Variants in DCP1B observed in about 807,000 individuals in gnomAD.
The protein encoded by DCP1B is decapping mRNA 1B.
A neutral mutation model predicts 60.5 loss-of-function variants in DCP1B; 47 were observed. The observed-to-expected ratio is 0.78, with a 90% CI of 0.61 to 0.99. The LOEUF (loss-of-function observed/expected upper bound fraction) is 0.99, where lower values mean the gene tolerates loss of function less well. Among genes scored for constraint, DCP1B ranks in the 50% least tolerant of loss-of-function variants. The pLI is 0.00. For synonymous variants in DCP1B, 267 were observed against 280.3 expected (o/e 0.95, Z 0.47); for missense variants, 725 against 756.8 (o/e 0.96, Z 0.49).
At chr12:1,992,769 A>G (rs1469722367) in intron 3 of DCP1B, 1 of 199,876 alleles carries the variant, frequency 5.0e-6, no homozygotes, top group African/African-American at 2.3e-5. Context: ...TGACTGAAAG[A>G]AACTTTTTGG....
Position 1,948,966 on chromosome 12 carries a change from A to G in DCP1B, c.1773+120T>C. The stretch of plus-strand genomic sequence containing the variant: ...GCCGCTGGGGTCAGGATGAGTTGTT[A>G]CACACACCTGTTATTCTCACGGAAG... On this transcript the variant is annotated intron_variant, in intron 8 of 8. Transcript: ENST00000280665. This position sits in a 1 kb window ranked among gnomAD's most constrained non-coding sequence, Gnocchi z 4.8. 7.5e-7 allele frequency: 1 copy of G among 1,340,862 alleles called. No homozygotes were observed. Among genetic ancestry groups the G allele is most frequent in the South Asian group, 1.4e-5 (1 of 70,906 alleles). 83.1% of individuals were successfully genotyped at this position (1,340,862 alleles called of 1,614,324 possible).
intron 3 of DCP1B, among the ~76,000 whole-genome samples, chr12:1,974,463 T>C (rs1228116763): frequency 1.3e-5 from 2 of 152,208 alleles, no homozygotes; most frequent in East Asian, 1.9e-4. Flanking sequence ...CAGCACTATG[T>C]AGACACTAAT....
chr12:1,952,855 G>A lies in DCP1B; in HGVS notation c.1085C>T (p.Thr362Ile). The change falls in exon 7 of 9, where the codon ACC (threonine) becomes ATC (isoleucine). Residue 362 changes from threonine to isoleucine, a missense_variant. Physicochemically the swap from Thr to Ile is moderately conservative, Grantham distance 89. Transcript: ENST00000280665. ...TQNLFEKLQS[T>I]PGAANKCDPS... ...GTCACACTTGTTTGCTGCCCCTGGG[G>A]TACTCTGAAGTTTCTCGAACAGGTT... is the stretch of plus-strand genomic sequence containing the variant. The A allele has an allele frequency of 1.2e-6, 2 of 1,614,166 alleles. No homozygotes were observed. The highest frequency in any genetic ancestry group is 1.7e-6 in the Non-Finnish European group (2 of 1,180,046).
chr12:2,001,780 T>C (rs1053648648), intron 1 of DCP1B, among the ~76,000 whole-genome samples: 9 of 152,208 alleles, frequency 5.9e-5, no homozygotes, highest in African/African-American at 1.7e-4. Flanking sequence ...AACACAACGT[T>C]AGTCACTTTA....
intron 7 of DCP1B, among the ~76,000 whole-genome samples, chr12:1,951,037 C>T (rs760480739): frequency 2.0e-5 from 3 of 152,038 alleles, no homozygotes; most frequent in Admixed American, 6.6e-5. Flanking sequence ...TCTGAGAGCC[C>T]GAGGTGGGTG....
rs192688147 is a variant in DCP1B, at chr12:1,978,223, C to T, written c.320-10313G>A. 3.5e-3 allele frequency among the ~76,000 whole-genome samples: 530 copies of T among 152,338 alleles called. 18 individuals are homozygous for T. The highest frequency in any genetic ancestry group is 0.031 in the Admixed American group (477 of 15,294). On this transcript the variant is annotated intron_variant, in intron 3 of 8. Coordinates refer to ENST00000280665, the MANE Select transcript of DCP1B (RefSeq NM_152640.5). ...CTGATCTGGAAACTAGAAATGCAGA[C>T]TCAACTATTTCTATTACCTCACATT...
At position 1,953,097 on chromosome 12, in the gene DCP1B, T is replaced by C; in HGVS notation, c.843A>G (p.Arg281=). ...GCTGCTTCTCAATGGGGGGTGAGTG[T>C]CTTCTGGGTTCCTCATAGGACAGGG... is the stretch of plus-strand genomic sequence containing the variant. ...VRSLSYEEPR[R]HSPPIEKQLC... The change falls in exon 7 of 9, where the codon AGA becomes AGG. Residue 281 remains arginine (R), a synonymous_variant. Transcript: ENST00000280665. The C allele has an allele frequency of 6.2e-7, 1 of 1,613,980 alleles. No individual in the cohort carries two copies.
At chr12:1,978,165 C>T (rs903143245) in intron 3 of DCP1B, among the ~76,000 whole-genome samples, 7 of 152,136 alleles carry the variant, frequency 4.6e-5, no homozygotes, top group Admixed American at 3.3e-4. Context: ...AAGCAGATGT[C>T]GCAACCCAGA....
Position 1,953,287 on chromosome 12 carries a change from G to T in DCP1B, c.653C>A (p.Thr218Asn). 6.4e-7 allele frequency: 1 copy of T among 1,564,336 alleles called. No homozygotes were observed. Among genetic ancestry groups the T allele is most frequent in the Non-Finnish European group, 8.6e-7 (1 of 1,162,408 alleles). ...QQQRIPQPNQ[T>N]LDPEPQHLSL... ...TAAGTGTTGGGGTTCAGGGTCTAAG[G>T]TCTGGAAAAAATAAAGATATCTGAC... The change falls in exon 7 of 9, where the codon ACC becomes AAC. Residue 218 changes from threonine to asparagine, a missense_variant and splice_region_variant. Physicochemically the swap from Thr to Asn is moderately conservative, Grantham distance 65. Transcript: ENST00000280665.
At chr12:1,973,914 T>G (rs2033401177) in intron 3 of DCP1B, among the ~76,000 whole-genome samples, 1 of 152,216 alleles carries the variant, frequency 6.6e-6, no homozygotes, top group Non-Finnish European at 1.5e-5. Flanking sequence ...TCCTTCTCTC[T>G]ACTCGTCCTT....
chr12:2,001,489 G>A (rs2042184721), intron 1 of DCP1B, among the ~76,000 whole-genome samples: 1 of 152,122 alleles, frequency 6.6e-6, no homozygotes, highest in African/African-American at 2.4e-5. Flanking sequence ...GTGCTGTTTT[G>A]CAAATTTTGG....
intron 6 of DCP1B, among the ~76,000 whole-genome samples, chr12:1,953,620 G>A (rs1333419649): frequency 6.6e-6 from 1 of 152,124 alleles, no homozygotes; most frequent in African/African-American, 2.4e-5. Context: ...TAAACAATCT[G>A]TTCAATAGGA....
In DCP1B at chr12:2,004,287, C is replaced by T; in HGVS notation, c.145G>A (p.Glu49Lys). 12 of 1,613,156 alleles carry T rather than the reference C, an allele frequency of 7.4e-6. No individual in the cohort carries two copies. Among genetic ancestry groups the T allele is most frequent in the Non-Finnish European group, 1.0e-5 (12 of 1,179,880 alleles). Residue 49 changes from glutamate (E) to lysine (K), a missense_variant, in exon 1 of 9, where the codon GAG becomes AAG. Glu to Lys is a moderately conservative substitution (Grantham distance 56, BLOSUM62 1). Transcript: ENST00000280665. ...TCCGCCGCGTCCGCACGCACCCACT[C>T]GTTGGCCCGATGGCCGAAGGTGTAC... ...ALYTFGHRAN[E>K]WEKTDVEGTL...
chr12:1,955,679 T>G, intron 5 of DCP1B, 119 bp from the exon 6 acceptor site: 1 of 1,176,030 alleles, frequency 8.5e-7, no homozygotes, highest in Non-Finnish European at 1.2e-6. Flanking sequence ...TAGATTTTCA[T>G]GCACAAAGGA....
At chr12:1,957,106 C>T (rs1016957945) in intron 5 of DCP1B, among the ~76,000 whole-genome samples, 4 of 152,204 alleles carry the variant, frequency 2.6e-5, no homozygotes, top group African/African-American at 9.6e-5. Flanking sequence ...AATCATCCAC[C>T]TCAGTAGTTT....
intron 3 of DCP1B, 113 bp downstream of exon 3, chr12:1,993,151 A>AC (rs768665990): frequency 3.5e-5 from 48 of 1,368,064 alleles, no homozygotes; most frequent in African/African-American, 2.1e-4. Flanking sequence ...AAATGCTGAC[A>AC]CCCCCCATAG....
intron 3 of DCP1B, among the ~76,000 whole-genome samples, chr12:1,981,852 A>C (rs2036232422): frequency 2.0e-5 from 3 of 152,172 alleles, no homozygotes; most frequent in African/African-American, 7.2e-5. Context: ...GGTCAGAATG[A>C]GGGAGAGAAT....
rs759013313 is a variant in DCP1B at position 1,952,700 on chromosome 12, G to A, written c.1240C>T (p.Pro414Ser). ...PQAYFNGSLP[P>S]QTVGHQAHGR... ...TGAGCCTGATGTCCTACTGTCTGAGGTGGAAGGGAGCCATTGAAATAGGCC... is the reference window on the plus strand; with the variant it reads ...TGAGCCTGATGTCCTACTGTCTGAGATGGAAGGGAGCCATTGAAATAGGCC... Residue 414 changes from proline to serine, a missense_variant, in exon 7 of 9, where the codon CCT becomes TCT. Physicochemically the swap from Pro to Ser is moderately conservative, Grantham distance 74. Transcript: ENST00000280665. 1.9e-6 allele frequency: 3 copies of A among 1,614,170 alleles called. No homozygotes were observed. Among genetic ancestry groups the A allele is most frequent in the Middle Eastern group, 1.6e-4 (1 of 6,062 alleles).
intron 3 of DCP1B, among the ~76,000 whole-genome samples, chr12:1,970,583 T>C (rs1270429712): frequency 6.6e-6 from 1 of 152,188 alleles, no homozygotes. Flanking sequence ...TCCTGCCTCT[T>C]AGCCCTAAGG....
Sources: allele counts gnomAD v4.1 joint callset (sites outside exome capture counted in the v4.1 genomes callset), GRCh38; gene constraint gnomAD v4.1.1; non-coding constraint Gnocchi (gnomAD v3.1); transcripts MANE v1.5; gene names NCBI Gene and HGNC (gene_info 2026-07-23, HGNC 2026-07-21).